Variants in LIPA observed in about 807,000 individuals in gnomAD.
LIPA encodes the protein lysosomal acid lipase/cholesteryl ester hydrolase.
In LIPA, 26 loss-of-function variants were observed where a neutral mutation model predicts 40.6. The observed-to-expected ratio is 0.64, with a 90% CI of 0.47 to 0.89. The LOEUF (loss-of-function observed/expected upper bound fraction) is 0.89. Among genes scored for constraint, LIPA ranks in the 40% least tolerant of loss-of-function variants. The probability of loss-of-function intolerance (pLI) is 0.00; values close to 1 mark genes in which losing one functional copy is unlikely to be tolerated. For synonymous variants in LIPA, 188 were observed against 168.4 expected (o/e 1.12, Z -0.90); for missense variants, 455 against 479.6 (o/e 0.95, Z 0.48).
At chr10:89,229,548 C>T (rs900086049) in intron 3 of LIPA, among the ~76,000 whole-genome samples, 4 of 152,058 alleles carry the variant, frequency 2.6e-5, no homozygotes, top group Non-Finnish European at 4.4e-5. Context: ...GTCAGTAGTT[C>T]GAGACTAGCC....
intron 2 of LIPA, among the ~76,000 whole-genome samples, chr10:89,380,697 T>C (rs1224841130): frequency 3.3e-5 from 5 of 152,144 alleles, no homozygotes; most frequent in Non-Finnish European, 5.9e-5. Context: ...ACTCTCAAAG[T>C]GTTGGGATTA....
chr10:89,272,109 CAG>C (rs747564468), intron 1 of LIPA, among the ~76,000 whole-genome samples: 1 of 151,912 alleles, frequency 6.6e-6, no homozygotes, highest in Non-Finnish European at 1.5e-5. Flanking sequence ...GTTTTAAGCT[CAG>C]GGGCACATAT....
intron 2 of LIPA, chr10:89,392,636 C>T: frequency 1.3e-6 from 2 of 1,537,422 alleles, no homozygotes; most frequent in Non-Finnish European, 1.8e-6. Flanking sequence ...TGAAAATCCA[C>T]AAGACAGAAT....
At chr10:89,241,755 G>T (rs546602178) in intron 3 of LIPA, among the ~76,000 whole-genome samples, 1 of 152,178 alleles carries the variant, frequency 6.6e-6, no homozygotes, top group African/African-American at 2.4e-5. Flanking sequence ...CACCCACTCG[G>T]CAATCAGATG....
At chr10:89,255,079 C>T (rs1843174153), upstream of LIPA, among the ~76,000 whole-genome samples, 1 of 152,220 alleles carries the variant, frequency 6.6e-6, no homozygotes, top group Non-Finnish European at 1.5e-5. Flanking sequence ...CCAACCTCTG[C>T]CTGTTACCCA....
intron 1 of LIPA, among the ~76,000 whole-genome samples, chr10:89,265,049 G>A (rs1334541989): frequency 6.6e-6 from 1 of 152,216 alleles, no homozygotes; most frequent in Non-Finnish European, 1.5e-5. Flanking sequence ...GGGCTGGCAT[G>A]TTGGTGCCAC....
intron 2 of LIPA, among the ~76,000 whole-genome samples, chr10:89,360,871 A>T (rs1844017881): frequency 6.6e-6 from 1 of 152,192 alleles, no homozygotes; most frequent in African/African-American, 2.4e-5. Flanking sequence ...AAGAGCCTAA[A>T]ATCAAGGTAT....
intron 1 of LIPA, among the ~76,000 whole-genome samples, chr10:89,273,509 C>T (rs1252529189): frequency 6.6e-6 from 1 of 152,142 alleles, no homozygotes; most frequent in Admixed American, 6.5e-5. Flanking sequence ...AAAGCATCAA[C>T]AAAGGCTCTG....
At chr10:89,257,070 T>C (rs1208929700) in intron 1 of LIPA, among the ~76,000 whole-genome samples, 1 of 152,182 alleles carries the variant, frequency 6.6e-6, no homozygotes, top group African/African-American at 2.4e-5. Flanking sequence ...AATAAATAAG[T>C]TGTTTTGAAT....
intron 1 of LIPA, among the ~76,000 whole-genome samples, chr10:89,321,884 C>T (rs1236854017): frequency 6.6e-6 from 1 of 151,766 alleles, no homozygotes; most frequent in Non-Finnish European, 1.5e-5. Context: ...GAATACTATG[C>T]AGCCATAAAA....
intron 6 of LIPA, among the ~76,000 whole-genome samples, chr10:89,224,066 T>G (rs1408520626): frequency 6.6e-6 from 1 of 152,066 alleles, no homozygotes; most frequent in African/African-American, 2.4e-5. Context: ...AGGCAGAAAA[T>G]CAAATAAGTT....
intron 2 of LIPA, chr10:89,363,067 T>C (rs305375): frequency 4.4e-6 from 1 of 226,568 alleles, no homozygotes; most frequent in Admixed American, 4.2e-5. Context: ...TATGTTTTTC[T>C]ATATGCAGCC....
intron 2 of LIPA, among the ~76,000 whole-genome samples, chr10:89,369,816 G>A (rs932515264): frequency 1.3e-5 from 2 of 152,228 alleles, no homozygotes; most frequent in African/African-American, 2.4e-5. Flanking sequence ...ATGGATGGAA[G>A]GAAAGGCAGA....
chr10:89,342,896 C>CT (rs1843885222), upstream of LIPA, among the ~76,000 whole-genome samples: 1 of 152,176 alleles, frequency 6.6e-6, no homozygotes, highest in Admixed American at 6.5e-5. Flanking sequence ...TTATGATGTT[C>CT]TTTTGTTTTC....
chr10:89,221,665 T>C (rs1340486926), intron 8 of LIPA, among the ~76,000 whole-genome samples: 1 of 152,134 alleles, frequency 6.6e-6, no homozygotes, highest in Non-Finnish European at 1.5e-5. Flanking sequence ...GAAAAATAAA[T>C]GGCACAAAAT....
intron 2 of LIPA, among the ~76,000 whole-genome samples, chr10:89,375,540 A>T (rs1844115538): frequency 6.6e-6 from 1 of 151,620 alleles, no homozygotes; most frequent in Non-Finnish European, 1.5e-5. Context: ...TCTGTGCAGA[A>T]CCCCCTCCAT....
chr10:89,290,186 C>T lies in LIPA; in HGVS notation c.-1-42537G>A, dbSNP rs565996241. ...TCTCTAATTAGATGTCCTGGGTCCTCCCAATTCTTAGTCCTTTATTATCTG... is the reference window on the plus strand; with the variant it reads ...TCTCTAATTAGATGTCCTGGGTCCTTCCAATTCTTAGTCCTTTATTATCTG... On this transcript the variant is annotated intron_variant, in intron 1 of 5. Transcript: ENST00000282673. Among the ~76,000 whole-genome samples, 195 of 152,284 alleles carry T rather than the reference C, an allele frequency of 1.3e-3. 1 individual carries two copies. Among genetic ancestry groups the T allele is most frequent in the Middle Eastern group, 0.01 (3 of 294 alleles).
chr10:89,256,188 G>A (rs1051086006), upstream of LIPA, among the ~76,000 whole-genome samples: 1 of 152,198 alleles, frequency 6.6e-6, no homozygotes, highest in East Asian at 1.9e-4. Flanking sequence ...ACAAGACAGA[G>A]CAGAGCAGAG....
upstream of LIPA, among the ~76,000 whole-genome samples, chr10:89,346,475 G>A (rs902064522): frequency 6.6e-6 from 1 of 152,204 alleles, no homozygotes; most frequent in African/African-American, 2.4e-5. Context: ...CTCAACTAGA[G>A]TTTGATGAAT....
Sources: gnomAD v4.1 joint callset for allele counts (sites outside exome capture counted in the v4.1 genomes callset) on GRCh38, gnomAD v4.1.1 for gene constraint, MANE v1.5 for transcripts, NCBI Gene and HGNC (gene_info 2026-07-23, HGNC 2026-07-21) for gene names.